Variants in ZNF697 observed in about 807,000 individuals in gnomAD.
ZNF697 encodes the protein zinc finger protein 697.
In ZNF697, 23 loss-of-function variants were observed where a neutral mutation model predicts 32.4. The observed-to-expected ratio is 0.71, with a 90% CI of 0.51 to 1.01. ZNF697 has a LOEUF of 1.01. ZNF697 is among the 50% of genes least tolerant of loss of function. The pLI, the probability that ZNF697 is intolerant of heterozygous loss-of-function variation, is 0.00. For missense variants in ZNF697, 930 were observed against 794.0 expected, an observed-to-expected ratio of 1.17 and a Z score of -2.06; for synonymous variants, 418 against 337.2, an observed-to-expected ratio of 1.24 and a Z score of -2.62.
Position 119,623,995 on chromosome 1 carries a change from G to C in ZNF697, c.348C>G (p.Leu116=). Residue 116 remains leucine (L), a synonymous_variant, in exon 3 of 3, where the codon CTC becomes CTG. Coordinates refer to ENST00000421812, the MANE Select transcript of ZNF697 (RefSeq NM_001080470.2). The stretch of plus-strand genomic sequence containing the variant: ...CAGCACTCTCGTCGTCGTCCTCCCG[G>C]AGGCTCCGGGATATGCTGTCAGACT... The part of the protein sequence containing the change: ...LSESDSISRS[L]REDDDESAGE... The C allele has an allele frequency of 6.2e-7, 1 of 1,612,524 alleles. No homozygotes were observed. The highest frequency in any genetic ancestry group is 8.5e-7 in the Non-Finnish European group (1 of 1,179,392).
chr1:119,643,876 T>C (rs928700520), intron 1 of ZNF697, among the ~76,000 whole-genome samples: 10 of 152,262 alleles, frequency 6.6e-5, no homozygotes, highest in Non-Finnish European at 1.5e-4. Context: ...TTTTGGAAGT[T>C]ACATGAAAAG....
rs1050626198 is a variant in ZNF697, at chr1:119,631,000, A to G, written c.-37-4863T>C. On this transcript the variant is annotated intron_variant, in intron 1 of 2. Transcript: ENST00000421812. Reference sequence around the variant, plus strand: ...TCGCCAAATCCCCCACTTTGGGGCTACCTGTGAAATCTATCCCTATTGAAC... The same window carrying G: ...TCGCCAAATCCCCCACTTTGGGGCTGCCTGTGAAATCTATCCCTATTGAAC... Among the ~76,000 whole-genome samples, 18 of 152,370 alleles carry G rather than the reference A, an allele frequency of 1.2e-4. 1 individual carries two copies. Among genetic ancestry groups the G allele is most frequent in the Middle Eastern group, 6.8e-3 (2 of 294 alleles).
At chr1:119,629,226 T>A (rs587678263) in intron 1 of ZNF697, among the ~76,000 whole-genome samples, 17 of 152,314 alleles carry the variant, frequency 1.1e-4, no homozygotes, top group African/African-American at 4.1e-4. Context: ...GTTTTTAACA[T>A]GATAGAAGAT....
intron 1 of ZNF697, among the ~76,000 whole-genome samples, chr1:119,627,836 G>A (rs587637476): frequency 6.6e-6 from 1 of 152,266 alleles, no homozygotes; most frequent in South Asian, 2.1e-4. Flanking sequence ...GACAGTAGGA[G>A]AAAAATCTCA....
At chr1:119,631,885 C>T (rs1200644346) in intron 1 of ZNF697, among the ~76,000 whole-genome samples, 1 of 152,222 alleles carries the variant, frequency 6.6e-6, no homozygotes, top group Non-Finnish European at 1.5e-5. Flanking sequence ...CTTCCCACGC[C>T]CCCCTGCCCA....
Position 119,622,418 on chromosome 1 carries a change from G to GCT in ZNF697, c.*286_*287insAG. On this transcript the variant is annotated 3_prime_UTR_variant, in exon 3 of 3. Transcript: ENST00000421812. ...CCCACGAACTGCCCTTCCTCAAAGT[G>GCT]CCTGGTCCTCCAAGCTCTTCACCCC... The GCT allele has an allele frequency of 3.6e-6, 1 of 278,340 alleles. No homozygotes were observed. The highest frequency in any genetic ancestry group is 5.3e-6 in the Non-Finnish European group (1 of 187,370). The allele number at this position is 278,340 out of a possible 1,614,324, so 17.2% of individuals were successfully genotyped here.
At position 119,628,591 on chromosome 1, in the gene ZNF697, G is replaced by A. The variant is rs116817179; in HGVS notation, c.-37-2454C>T. ...TAGACTAGGGGAGGGAGGATTAGGTGTGCTCTGAAAAGAGCTTGAAGTTCC... is the reference window on the plus strand; with the variant it reads ...TAGACTAGGGGAGGGAGGATTAGGTATGCTCTGAAAAGAGCTTGAAGTTCC... On this transcript the variant is annotated intron_variant, in intron 1 of 2. Coordinates refer to ENST00000421812, the MANE Select transcript of ZNF697 (RefSeq NM_001080470.2). Among the ~76,000 whole-genome samples, 1,261 of 152,264 alleles carry A rather than the reference G, an allele frequency of 8.3e-3. 19 individuals are homozygous for A. Among genetic ancestry groups the A allele is most frequent in the African/African-American group, 0.029 (1,188 of 41,524 alleles).
In ZNF697 at chr1:119,647,911, C is replaced by T. The variant is rs1296314146; in HGVS notation, c.-258G>A. ...CCCCATAAGCCCGGGGCCCTGCGCCCCAGGGGAGCGGACAACGGTCCACTT... is the reference window on the plus strand; with the variant it reads ...CCCCATAAGCCCGGGGCCCTGCGCCTCAGGGGAGCGGACAACGGTCCACTT... On this transcript the variant is annotated 5_prime_UTR_variant, in exon 1 of 3. Transcript: ENST00000421812. 1 of 152,468 alleles carries T rather than the reference C, an allele frequency of 6.6e-6. No individual in the cohort carries two copies. The highest frequency in any genetic ancestry group is 1.5e-5 in the Non-Finnish European group (1 of 68,216). 9.4% of individuals were successfully genotyped at this position (152,468 alleles called of 1,614,324 possible).
intron 1 of ZNF697, among the ~76,000 whole-genome samples, chr1:119,629,007 C>T (rs1221790882): frequency 2.0e-5 from 3 of 152,120 alleles, no homozygotes; most frequent in Admixed American, 1.3e-4. Flanking sequence ...TAGGATATTT[C>T]CAACTTCACA....
chr1:119,632,692 C>T (rs1163701288), intron 1 of ZNF697, among the ~76,000 whole-genome samples: 3 of 152,180 alleles, frequency 2.0e-5, no homozygotes, highest in Non-Finnish European at 4.4e-5. Context: ...AATGCCAATC[C>T]TCCACCACCA....
At position 119,623,155 on chromosome 1, in the gene ZNF697, C is replaced by A; in HGVS notation, c.1188G>T (p.Leu396Phe). ...CGKRFSWRSDLVKHQRVHTGE... is the reference protein window; with the variant it reads ...CGKRFSWRSDFVKHQRVHTGE... ...CCGTGTGCACGCGCTGGTGCTTCAC[C>A]AAGTCCGAGCGCCAGCTGAAGCGCT... Residue 396 changes from leucine to phenylalanine, a missense_variant, in exon 3 of 3, where the codon TTG (leucine) becomes TTT (phenylalanine). Leu to Phe is a conservative substitution (Grantham distance 22). Coordinates refer to ENST00000421812, the MANE Select transcript of ZNF697 (RefSeq NM_001080470.2). The A allele has an allele frequency of 6.3e-7, 1 of 1,584,504 alleles. No individual in the cohort carries two copies. Among genetic ancestry groups the A allele is most frequent in the South Asian group, 1.1e-5 (1 of 87,772 alleles).
In ZNF697 at chr1:119,629,309, A is replaced by G. The variant is rs114846925; in HGVS notation, c.-37-3172T>C. On this transcript the variant is annotated intron_variant, in intron 1 of 2. Coordinates refer to ENST00000421812, the MANE Select transcript of ZNF697 (RefSeq NM_001080470.2). ...AAGAGTTGTGATAACCTCAATCTAGAAAACTTAATATTCAAAAACACCAGA... is the reference window on the plus strand; with the variant it reads ...AAGAGTTGTGATAACCTCAATCTAGGAAACTTAATATTCAAAAACACCAGA... Among the ~76,000 whole-genome samples, 1,263 of 152,378 alleles carry G rather than the reference A, an allele frequency of 8.3e-3. 19 individuals carry two copies. Among genetic ancestry groups the G allele is most frequent in the African/African-American group, 0.029 (1,190 of 41,588 alleles).
At chr1:119,624,633 C>T (rs1338338784) in intron 2 of ZNF697, among the ~76,000 whole-genome samples, 2 of 152,192 alleles carry the variant, frequency 1.3e-5, no homozygotes, top group African/African-American at 2.4e-5. Flanking sequence ...CTTGCTCTGT[C>T]GTCCAGGCTG....
chr1:119,632,776 A>C (rs933017032), intron 1 of ZNF697, among the ~76,000 whole-genome samples: 6 of 152,214 alleles, frequency 3.9e-5, no homozygotes, highest in African/African-American at 1.4e-4. Context: ...AAGTTAGACT[A>C]TCTGCCCTCA....
chr1:119,627,861 C>A (rs1384564558), intron 1 of ZNF697, among the ~76,000 whole-genome samples: 1 of 152,068 alleles, frequency 6.6e-6, no homozygotes, highest in Non-Finnish European at 1.5e-5. Flanking sequence ...AGCTGTAAAC[C>A]TTTTAAGAGG....
chr1:119,628,372 G>T (rs760217107), intron 1 of ZNF697, among the ~76,000 whole-genome samples: 2 of 152,176 alleles, frequency 1.3e-5, no homozygotes, highest in Non-Finnish European at 2.9e-5. Flanking sequence ...TTTCTGATTT[G>T]TGATTTATTG....
chr1:119,642,962 G>A (rs1472288731), intron 1 of ZNF697, among the ~76,000 whole-genome samples: 2 of 152,162 alleles, frequency 1.3e-5, no homozygotes, highest in African/African-American at 4.8e-5. Context: ...TTCAACAACT[G>A]GAAAAGTCTT....
chr1:119,623,408 G>A lies in ZNF697; in HGVS notation c.935C>T (p.Thr312Met). Residue 312 changes from threonine (T) to methionine (M), a missense_variant, in exon 3 of 3, where the codon ACG becomes ATG. Thr to Met is a moderately conservative substitution (Grantham distance 81, BLOSUM62 -1). Coordinates refer to ENST00000421812, the MANE Select transcript of ZNF697 (RefSeq NM_001080470.2). The part of the protein sequence containing the change: ...ADLLKHRRLH[T>M]GEKPYPCPEC... ...GGGGCACGGGTAGGGCTTCTCGCCC[G>A]TGTGCAGGCGCCGGTGCTTGAGCAG... 2.0e-6 allele frequency: 3 copies of A among 1,524,392 alleles called. No homozygotes were observed. Among genetic ancestry groups the A allele is most frequent in the Non-Finnish European group, 2.6e-6 (3 of 1,137,262 alleles). The allele number at this position is 1,524,392 out of a possible 1,614,324, so 94.4% of individuals were successfully genotyped here. A position where few individuals can be genotyped will look rare whatever the true frequency, so the allele number is the denominator to read the frequency against.
intron 1 of ZNF697, among the ~76,000 whole-genome samples, chr1:119,630,882 G>A (rs1205279908): frequency 6.6e-6 from 1 of 152,110 alleles, no homozygotes; most frequent in Non-Finnish European, 1.5e-5. Flanking sequence ...AAAAAAAAGA[G>A]GAAGGGAGGG....
Sources: gnomAD v4.1 joint callset for allele counts (sites outside exome capture counted in the v4.1 genomes callset) on GRCh38, gnomAD v4.1.1 for gene constraint, MANE v1.5 for transcripts, NCBI Gene and HGNC (gene_info 2026-07-23, HGNC 2026-07-21) for gene names.